The following GSK3B variants were observed in gnomAD, a reference collection of about 807,000 sequenced individuals.
GSK3B encodes the protein glycogen synthase kinase 3 beta, also known as glycogen synthase kinase-3 beta.
In GSK3B, 15 loss-of-function variants were observed where a neutral mutation model predicts 56.4. The observed-to-expected ratio is 0.27, with a 90% CI of 0.18 to 0.41. GSK3B has a LOEUF of 0.41. Ranked by LOEUF, GSK3B falls within the 10% of genes least tolerant of loss-of-function variation. The pLI is 1.00. For synonymous variants in GSK3B, 181 were observed against 188.9 expected, an observed-to-expected ratio of 0.96 and a Z score of 0.34; for missense variants, 300 against 513.4, an observed-to-expected ratio of 0.58 and a Z score of 4.02.
chr3:119,916,190 G>C lies in GSK3B; in HGVS notation c.478-16C>G. The C allele has an allele frequency of 6.3e-7, 1 of 1,575,164 alleles. No individual in the cohort carries two copies. Among genetic ancestry groups the C allele is most frequent in the Non-Finnish European group, 8.7e-7 (1 of 1,146,168 alleles). The stretch of plus-strand genomic sequence containing the variant: ...ACATATACAACTGGAATAGATAGTA[G>C]AAATTAATTAAATACTTCCTATTCT... On this transcript the variant is annotated splice_polypyrimidine_tract_variant and intron_variant, in intron 4 of 10. Transcript: ENST00000264235.
intron 1 of GSK3B, among the ~76,000 whole-genome samples, chr3:120,025,970 T>C (rs1007135326): frequency 6.6e-6 from 1 of 152,224 alleles, no homozygotes. Context: ...CTTTCAGCTC[T>C]GAAAGTATGA....
At chr3:120,062,859 C>T (rs1234352942) in intron 1 of GSK3B, among the ~76,000 whole-genome samples, 1 of 152,034 alleles carries the variant, frequency 6.6e-6, no homozygotes, top group African/African-American at 2.4e-5. Context: ...AAGTTTGAGC[C>T]TACAGAGAAA....
chr3:120,014,356 T>C (rs2057806052), intron 1 of GSK3B, among the ~76,000 whole-genome samples: 1 of 151,764 alleles, frequency 6.6e-6, no homozygotes, highest in South Asian at 2.1e-4. Context: ...GAAAACAACA[T>C]AAAAATTAAT....
intron 1 of GSK3B, among the ~76,000 whole-genome samples, chr3:120,066,972 C>T (rs1391345279): frequency 6.6e-6 from 1 of 151,810 alleles, no homozygotes; most frequent in East Asian, 1.9e-4. Context: ...TATCTTGGGC[C>T]ACACAAATAC....
intron 2 of GSK3B, among the ~76,000 whole-genome samples, chr3:119,991,233 A>G (rs1352328736): frequency 6.6e-6 from 1 of 152,098 alleles, no homozygotes; most frequent in Non-Finnish European, 1.5e-5. Context: ...TCCTACATTA[A>G]TTAGGTACCT....
chr3:120,053,946 G>A (rs9842542), intron 1 of GSK3B, among the ~76,000 whole-genome samples: 2,750 of 152,178 alleles, frequency 0.018, 91 homozygotes, highest in African/African-American at 0.063. Flanking sequence ...CCAGTCTCGC[G>A]TATGTCTTTA....
chr3:119,958,767 GAAAA>G (rs1296994018), intron 2 of GSK3B, among the ~76,000 whole-genome samples: 5 of 80,306 alleles, frequency 6.2e-5, no homozygotes, highest in Non-Finnish European at 8.9e-5. Flanking sequence ...GATTTTTAAT[GAAAA>G]GAGTGTTCAC....
chr3:119,987,911 A>T (rs573203468), intron 2 of GSK3B, among the ~76,000 whole-genome samples: 3 of 152,332 alleles, frequency 2.0e-5, no homozygotes, highest in Non-Finnish European at 2.9e-5. Flanking sequence ...TCTGATATAT[A>T]TTAGTGTACA....
chr3:119,833,860 A>AT (rs531440488), intron 10 of GSK3B, among the ~76,000 whole-genome samples: 23 of 150,494 alleles, frequency 1.5e-4, no homozygotes, highest in Non-Finnish European at 3.0e-4. Context: ...GCCTGGCTAA[A>AT]TTTTTTTTTG....
chr3:119,886,373 A>T (rs896187552), intron 7 of GSK3B, among the ~76,000 whole-genome samples: 1 of 152,096 alleles, frequency 6.6e-6, no homozygotes, highest in African/African-American at 2.4e-5. Context: ...ATGGCTAATT[A>T]AAAAGTAAAA....
rs559803016 is a variant in GSK3B at position 119,994,759 on chromosome 3, T to C, written c.282+7287A>G. Among the ~76,000 whole-genome samples, 31 of 152,236 alleles carry C rather than the reference T, an allele frequency of 2.0e-4. No individual in the cohort carries two copies. The East Asian group carries it at 5.4e-3, about 27-fold the overall frequency. On this transcript the variant is annotated intron_variant, in intron 2 of 10. Coordinates refer to ENST00000264235, the MANE Select transcript of GSK3B (RefSeq NM_001146156.2). ...CATGAATGTCATGAAAGACAATAAG[T>C]GAGGAACTCTTCCTGGTATAGAAGA...
At chr3:119,941,119 G>T (rs373396457) in intron 3 of GSK3B, among the ~76,000 whole-genome samples, 1 of 150,912 alleles carries the variant, frequency 6.6e-6, no homozygotes, top group Admixed American at 6.6e-5. Flanking sequence ...GGGTTCAAGC[G>T]ATTCTCCTGC....
At chr3:120,052,492 C>T (rs952352257) in intron 1 of GSK3B, among the ~76,000 whole-genome samples, 2 of 152,144 alleles carry the variant, frequency 1.3e-5, no homozygotes, top group Admixed American at 6.5e-5. Flanking sequence ...TCCACAGTAA[C>T]CCCCAACGCA....
intron 1 of GSK3B, chr3:120,041,255 G>A (rs1373228210): frequency 8.0e-6 from 2 of 250,786 alleles, no homozygotes; most frequent in Admixed American, 8.1e-5. Context: ...GCTCCAAGCA[G>A]CTGGGCATCC....
intron 1 of GSK3B, among the ~76,000 whole-genome samples, chr3:120,086,959 T>C (rs747429287): frequency 1.4e-4 from 22 of 152,226 alleles, no homozygotes; most frequent in Non-Finnish European, 2.6e-4. Context: ...TAATGCTTAA[T>C]CAGTACCTAT....
chr3:119,842,475 T>A (rs766395227), intron 10 of GSK3B, among the ~76,000 whole-genome samples: 2 of 152,184 alleles, frequency 1.3e-5, no homozygotes. Flanking sequence ...GCCTCTCTAG[T>A]ATACTACTGC....
chr3:119,855,150 T>G (rs2055999952), intron 9 of GSK3B, among the ~76,000 whole-genome samples: 2 of 152,254 alleles, frequency 1.3e-5, no homozygotes, highest in African/African-American at 4.8e-5. Context: ...AAAGAACATC[T>G]TTATTTCTGC....
chr3:119,992,198 C>G (rs934036661), intron 2 of GSK3B, among the ~76,000 whole-genome samples: 2 of 151,972 alleles, frequency 1.3e-5, no homozygotes, highest in African/African-American at 2.4e-5. Context: ...CATATTAACC[C>G]TATCAGACAT....
At chr3:120,028,992 G>A (rs2057953163) in intron 1 of GSK3B, 5 of 595,734 alleles carry the variant, frequency 8.4e-6, no homozygotes, top group East Asian at 3.1e-5. Context: ...TGGAAGAAAC[G>A]GCCTTTTATC....
Sources: allele counts gnomAD v4.1 joint callset (sites outside exome capture counted in the v4.1 genomes callset), GRCh38; gene constraint gnomAD v4.1.1; transcripts MANE v1.5; gene names NCBI Gene and HGNC (gene_info 2026-07-23, HGNC 2026-07-21).